Variants in TRHDE observed in about 807,000 individuals in gnomAD.
TRHDE encodes the protein thyrotropin releasing hormone degrading enzyme.
A neutral mutation model predicts 125.7 loss-of-function variants in TRHDE; 72 were observed. The ratio of observed to expected loss-of-function variants is 0.57; its 90% CI spans 0.47 to 0.70. TRHDE has a LOEUF of 0.70. TRHDE is among the 30% of genes least tolerant of loss of function. TRHDE has a pLI of 0.00. For missense variants in TRHDE, 1,110 were observed against 1,327.1 expected (o/e 0.84, Z 2.54); for synonymous variants, 509 against 509.1 (o/e 1.00, Z 0.00).
At chr12:72,092,576 A>G (rs1356061670) in intron 1 of TRHDE, among the ~76,000 whole-genome samples, 1 of 152,180 alleles carries the variant, frequency 6.6e-6, no homozygotes, top group East Asian at 1.9e-4. Context: ...TTCAGGCTGA[A>G]ATCCCTTAGA....
At chr12:72,538,275 C>G (rs1868968543) in intron 6 of TRHDE, among the ~76,000 whole-genome samples, 1 of 151,974 alleles carries the variant, frequency 6.6e-6, no homozygotes, top group Admixed American at 6.6e-5. Context: ...ATGGCCTTCT[C>G]TTAGCTATTA....
chr12:72,522,753 C>G (rs192847518), intron 6 of TRHDE, among the ~76,000 whole-genome samples: 2 of 152,190 alleles, frequency 1.3e-5, no homozygotes, highest in East Asian at 3.9e-4. Context: ...AGTGATAATC[C>G]CTTTTTCTGG....
At chr12:72,488,805 G>A (rs1029152852) in intron 5 of TRHDE, among the ~76,000 whole-genome samples, 10 of 151,868 alleles carry the variant, frequency 6.6e-5, no homozygotes, top group African/African-American at 1.9e-4. Flanking sequence ...AGATAGCATC[G>A]TTTCAGACCA....
rs143956860 is a variant in TRHDE at position 72,452,817 on chromosome 12, A to G, written c.1316-16941A>G. ...TCACTCTCTTGCTCCTGCTCTGGCC[A>G]TGTACATGCCTACTCCCCCTTTGCC... is the stretch of plus-strand genomic sequence containing the variant. On this transcript the variant is annotated intron_variant, in intron 3 of 18. Coordinates refer to ENST00000261180, the MANE Select transcript of TRHDE (RefSeq NM_013381.3). Among the ~76,000 whole-genome samples, 244 of 151,996 alleles carry G rather than the reference A, an allele frequency of 1.6e-3. 1 individual carries two copies. Among genetic ancestry groups the G allele is most frequent in the Non-Finnish European group, 2.9e-3 (200 of 67,976 alleles).
At chr12:72,578,071 C>A (rs965549551) in intron 12 of TRHDE, among the ~76,000 whole-genome samples, 1 of 152,076 alleles carries the variant, frequency 6.6e-6, no homozygotes, top group Non-Finnish European at 1.5e-5. Flanking sequence ...CTATATCAAC[C>A]TTCTCTCAAT....
chr12:72,463,253 A>C (rs1876211849), intron 3 of TRHDE, among the ~76,000 whole-genome samples: 2 of 152,170 alleles, frequency 1.3e-5, no homozygotes, highest in South Asian at 2.1e-4. Flanking sequence ...TTCAGCATTA[A>C]AACTCTTGTC....
intron 2 of TRHDE, among the ~76,000 whole-genome samples, chr12:72,374,807 A>G (rs1312536992): frequency 6.6e-6 from 1 of 152,182 alleles, no homozygotes; most frequent in African/African-American, 2.4e-5. Context: ...AGTTGGAATG[A>G]AAGCCTTGTT....
At chr12:72,493,618 G>A (rs1395981180) in intron 5 of TRHDE, among the ~76,000 whole-genome samples, 1 of 151,804 alleles carries the variant, frequency 6.6e-6, no homozygotes, top group African/African-American at 2.4e-5. Flanking sequence ...CCTAACACTA[G>A]CTTTCTGACT....
intron 3 of TRHDE, among the ~76,000 whole-genome samples, chr12:72,417,118 T>C (rs528229468): frequency 1.3e-5 from 2 of 152,244 alleles, no homozygotes; most frequent in South Asian, 2.1e-4. Context: ...TTTCATTTTA[T>C]TTGTAGCTAC....
intron 2 of TRHDE, among the ~76,000 whole-genome samples, chr12:72,154,255 C>T (rs1416372357): frequency 1.3e-5 from 2 of 152,068 alleles, no homozygotes; most frequent in African/African-American, 4.8e-5. Flanking sequence ...CTTGGTAGAT[C>T]TTCCTCCATC....
At chr12:72,135,799 G>C (rs1214268399) in intron 2 of TRHDE, among the ~76,000 whole-genome samples, 1 of 152,036 alleles carries the variant, frequency 6.6e-6, no homozygotes, top group African/African-American at 2.4e-5. Flanking sequence ...CTTCCATCCA[G>C]GTCTTGGGCT....
chr12:72,620,342 A>C lies in TRHDE; in HGVS notation c.2470-766A>C, dbSNP rs1467344181. ...ACATGGTGAAACCCATCTCTACAAA[A>C]AAAAAAAAAAAAAAAAAAAGAAATA... On this transcript the variant is annotated intron_variant, in intron 13 of 18. Coordinates refer to ENST00000261180, the MANE Select transcript of TRHDE (RefSeq NM_013381.3). Among the ~76,000 whole-genome samples, 19 of 103,726 alleles carry C rather than the reference A, an allele frequency of 1.8e-4. No homozygotes were observed. The African/African-American group carries it at 1.9e-3, about 10-fold the overall frequency. 68.0% of individuals were successfully genotyped at this position (103,726 alleles called of 152,430 possible).
chr12:72,272,937 G>C lies in TRHDE; in HGVS notation c.294G>C (p.Ala98=), dbSNP rs780886244. The C allele has an allele frequency of 1.3e-6, 2 of 1,577,168 alleles. No individual in the cohort carries two copies. The highest frequency in any genetic ancestry group is 1.7e-6 in the Non-Finnish European group (2 of 1,169,476). The change falls in exon 1 of 19, where the codon GCG becomes GCC. Residue 98 remains alanine, a synonymous_variant. Transcript: ENST00000261180. The surrounding 1 kb of genome is among the most constrained non-coding windows in gnomAD (Gnocchi z 6.7). ...CTGTGTCCCTCGTGGCATTGCTCGC[G>C]GTCACAATGCTCGCTGTGCTGCTCA... ...AFAVSLVALL[A]VTMLAVLLSL...
chr12:72,568,523 C>T (rs760997175), intron 9 of TRHDE, 45 bp from the exon 10 acceptor site: 6 of 1,426,146 alleles, frequency 4.2e-6, no homozygotes, highest in South Asian at 2.5e-5. Flanking sequence ...GTTTTTGTTT[C>T]GATATAGTTA....
chr12:72,653,050 C>T lies in TRHDE; in HGVS notation c.2878C>T (p.Leu960=). The change falls in exon 17 of 19, where the codon CTG becomes TTG. Residue 960 remains leucine (L), a synonymous_variant. Coordinates refer to ENST00000261180, the MANE Select transcript of TRHDE (RefSeq NM_013381.3). ...LNLSLNSEVV[L]DQDAIDVIIH... is the part of the protein sequence containing the mutation. ...TCTGTCACTGAATTCTGAGGTGGTG[C>T]TGGATCAAGATGCAATTGATGTCAT... is the stretch of plus-strand genomic sequence containing the variant. 1.9e-6 allele frequency: 3 copies of T among 1,606,688 alleles called. No individual in the cohort carries two copies. The highest frequency in any genetic ancestry group is 2.6e-6 in the Non-Finnish European group (3 of 1,175,750).
chr12:72,335,977 A>G (rs1179567414), intron 2 of TRHDE, among the ~76,000 whole-genome samples: 1 of 152,200 alleles, frequency 6.6e-6, no homozygotes, highest in Non-Finnish European at 1.5e-5. Flanking sequence ...AAAGTTGTAA[A>G]TTTAAGATGA....
At chr12:72,633,157 C>T (rs1873569544) in intron 15 of TRHDE, among the ~76,000 whole-genome samples, 1 of 151,846 alleles carries the variant, frequency 6.6e-6, no homozygotes, top group South Asian at 2.1e-4. Context: ...AGTACATTTA[C>T]CTTAATTTTA....
At chr12:72,544,097 T>C (rs927027929) in intron 7 of TRHDE, among the ~76,000 whole-genome samples, 1 of 151,454 alleles carries the variant, frequency 6.6e-6, no homozygotes, top group African/African-American at 2.4e-5. Flanking sequence ...ATCTCATTGA[T>C]CAGATAGATC....
chr12:72,224,162 GTATGTATCTATCTATC>G (rs1391995471), intron 2 of TRHDE, among the ~76,000 whole-genome samples: 9 of 27,046 alleles, frequency 3.3e-4, no homozygotes, highest in African/African-American at 1.0e-3. Context: ...ATGTATGTAT[GTATGTATCTATCTATC>G]TATCTATCTA....
Sources: allele counts gnomAD v4.1 joint callset (sites outside exome capture counted in the v4.1 genomes callset), GRCh38; gene constraint gnomAD v4.1.1; non-coding constraint Gnocchi (gnomAD v3.1); transcripts MANE v1.5; gene names NCBI Gene and HGNC (gene_info 2026-07-23, HGNC 2026-07-21).